The following DEFB123 variants were observed in gnomAD, a reference collection of about 807,000 sequenced individuals.
The protein encoded by DEFB123 is defensin beta 123.
For synonymous variants in DEFB123, 22 were observed against 28.3 expected, an observed-to-expected ratio of 0.78 and a Z score of 0.71; for missense variants, 71 against 75.0, an observed-to-expected ratio of 0.95 and a Z score of 0.20.
At chr20:31,448,578 A>G (rs1188037231) in intron 1 of DEFB123, among the ~76,000 whole-genome samples, 2 of 151,572 alleles carry the variant, frequency 1.3e-5, no homozygotes, top group African/African-American at 4.9e-5. Context: ...ACTTTGGATG[A>G]TTTCTGTTGC....
intron 1 of DEFB123, among the ~76,000 whole-genome samples, chr20:31,445,468 T>C (rs1979563654): frequency 6.6e-6 from 1 of 152,222 alleles, no homozygotes; most frequent in African/African-American, 2.4e-5. Context: ...ACAGGCTTGA[T>C]GATTTTTCTT....
intron 1 of DEFB123, among the ~76,000 whole-genome samples, chr20:31,444,998 T>C (rs753089289): frequency 1.3e-5 from 2 of 152,264 alleles, no homozygotes; most frequent in African/African-American, 2.4e-5. Flanking sequence ...TCCTTGAATT[T>C]TTTAATTTAC....
intron 1 of DEFB123, among the ~76,000 whole-genome samples, chr20:31,447,275 T>C (rs188446630): frequency 2.0e-5 from 3 of 151,880 alleles, no homozygotes; most frequent in Non-Finnish European, 4.4e-5. Context: ...AAAATAATAA[T>C]AATAAAAATA....
At chr20:31,445,806 G>A (rs1979573205) in intron 1 of DEFB123, among the ~76,000 whole-genome samples, 1 of 152,188 alleles carries the variant, frequency 6.6e-6, no homozygotes, top group African/African-American at 2.4e-5. Flanking sequence ...CTCCCAAAGT[G>A]CTGGGATTAC....
At chr20:31,449,760 C>A (rs2122421516) in intron 1 of DEFB123, among the ~76,000 whole-genome samples, 1 of 103,106 alleles carries the variant, frequency 9.7e-6, no homozygotes. Flanking sequence ...CAGAGCAAGA[C>A]TCATCTCAAA....
At chr20:31,446,394 C>A (rs1272938701) in intron 1 of DEFB123, among the ~76,000 whole-genome samples, 5 of 152,180 alleles carry the variant, frequency 3.3e-5, no homozygotes, top group Non-Finnish European at 4.4e-5. Context: ...GACACCAGCA[C>A]CTGGCTTTGA....
At chr20:31,447,616 G>GTT (rs772356142) in intron 1 of DEFB123, among the ~76,000 whole-genome samples, 1 of 144,778 alleles carries the variant, frequency 6.9e-6, no homozygotes, top group Middle Eastern at 3.6e-3. Flanking sequence ...TTCTGTGTTG[G>GTT]TTTTTTTTTT....
At position 31,449,977 on chromosome 20, in the gene DEFB123, G is replaced by T; in HGVS notation, c.59-52G>T. The T allele has an allele frequency of 2.0e-6, 3 of 1,520,794 alleles. No homozygotes were observed. The South Asian group carries it at 3.9e-5, about 20-fold the overall frequency. The allele number at this position is 1,520,794 out of a possible 1,614,324, so 94.2% of individuals were successfully genotyped here. On this transcript the variant is annotated intron_variant, in intron 1 of 1. Coordinates refer to ENST00000376309, the MANE Select transcript of DEFB123 (RefSeq NM_153324.4). ...TTCTTTTACAGACCTTTCAAATCCGGAGCCTACTTGTTAGGACTGATACTG... is the reference window on the plus strand; with the variant it reads ...TTCTTTTACAGACCTTTCAAATCCGTAGCCTACTTGTTAGGACTGATACTG...
intron 1 of DEFB123, among the ~76,000 whole-genome samples, chr20:31,448,374 A>G (rs1979645343): frequency 6.6e-6 from 1 of 152,032 alleles, no homozygotes; most frequent in Non-Finnish European, 1.5e-5. Flanking sequence ...ACCGAGGGTC[A>G]TGGTTCTATG....
intron 1 of DEFB123, among the ~76,000 whole-genome samples, chr20:31,447,777 C>T (rs1366845446): frequency 2.5e-5 from 3 of 120,776 alleles, no homozygotes; most frequent in African/African-American, 3.4e-5. Flanking sequence ...CCAACACACC[C>T]GGCTTTTTTT....
chr20:31,449,732 G>A (rs757064604), intron 1 of DEFB123, among the ~76,000 whole-genome samples: 4 of 121,482 alleles, frequency 3.3e-5, no homozygotes, highest in Non-Finnish European at 4.7e-5. Context: ...TCATTCCACT[G>A]TACTCCAGCC....
At chr20:31,446,824 C>T (rs1463012676) in intron 1 of DEFB123, among the ~76,000 whole-genome samples, 2 of 151,784 alleles carry the variant, frequency 1.3e-5, no homozygotes, top group African/African-American at 4.8e-5. Flanking sequence ...CTCCGCAGTA[C>T]AATGCTGTTA....
intron 1 of DEFB123, 141 bp from the exon 2 acceptor site, chr20:31,449,888 C>A: frequency 2.0e-6 from 2 of 1,000,986 alleles, no homozygotes; most frequent in East Asian, 3.4e-5. Context: ...AAAGGAAAAA[C>A]AGTGATAGAT....
intron 1 of DEFB123, among the ~76,000 whole-genome samples, chr20:31,442,903 C>T (rs550617556): frequency 6.6e-6 from 1 of 152,118 alleles, no homozygotes; most frequent in Non-Finnish European, 1.5e-5. Flanking sequence ...CCACCATGCC[C>T]GGTCTTTGCC....
Position 31,450,093 on chromosome 20 carries a change from A to C in DEFB123, c.123A>C (p.Arg41Ser). The C allele has an allele frequency of 6.2e-7, 1 of 1,613,028 alleles. No homozygotes were observed. Residue 41 changes from arginine to serine, a missense_variant, in exon 2 of 2, where the codon AGA becomes AGC. Arg to Ser is a moderately radical substitution (Grantham distance 110). Transcript: ENST00000376309. ...GTTACAGATGCTCCAAGAAGGAAAG[A>C]GTCTATGTTTACTGCATAAATAATA... Reference protein sequence around the residue: ...KCRYRCSKKERVYVYCINNKM... With the variant: ...KCRYRCSKKESVYVYCINNKM...
intron 1 of DEFB123, among the ~76,000 whole-genome samples, chr20:31,442,266 C>T (rs1248423526): frequency 1.3e-5 from 2 of 152,236 alleles, no homozygotes; most frequent in Non-Finnish European, 2.9e-5. Context: ...TTCAGCATGT[C>T]TCTTTCTTCC....
intron 1 of DEFB123, among the ~76,000 whole-genome samples, chr20:31,448,252 C>A (rs1415489235): frequency 6.6e-6 from 1 of 152,084 alleles, no homozygotes; most frequent in Non-Finnish European, 1.5e-5. Flanking sequence ...ATGTACATAA[C>A]GTGTCTTTTC....
intron 1 of DEFB123, among the ~76,000 whole-genome samples, chr20:31,446,008 C>A (rs1979577394): frequency 6.6e-6 from 1 of 152,154 alleles, no homozygotes; most frequent in Non-Finnish European, 1.5e-5. Flanking sequence ...CCCTGGTAAC[C>A]TTTGATAGCT....
In DEFB123 at chr20:31,440,771, C is replaced by T. The variant is rs768148807; in HGVS notation, c.58+15C>T. ...GCTGACTCCAGGTAACCTGAACCTC[C>T]TTAAGGAAGGGGCAGGGCTTAGAGA... is the stretch of plus-strand genomic sequence containing the variant. On this transcript the variant is annotated intron_variant, in intron 1 of 1. Coordinates refer to ENST00000376309, the MANE Select transcript of DEFB123 (RefSeq NM_153324.4). 5 of 1,612,906 alleles carry T rather than the reference C, an allele frequency of 3.1e-6. No individual in the cohort carries two copies. The highest frequency in any genetic ancestry group is 4.2e-6 in the Non-Finnish European group (5 of 1,179,998).
Sources: allele counts gnomAD v4.1 joint callset (sites outside exome capture counted in the v4.1 genomes callset), GRCh38; gene constraint gnomAD v4.1.1; transcripts MANE v1.5; gene names NCBI Gene and HGNC (gene_info 2026-07-23, HGNC 2026-07-21).